Variants in LIPJ observed in about 807,000 individuals in gnomAD.
LIPJ encodes lipase member J.
Under a neutral mutation model 39.8 loss-of-function variants are expected in LIPJ, and 33 were observed. The observed-to-expected ratio is 0.83, with a 90% CI of 0.63 to 1.11. LIPJ has a LOEUF of 1.11. Ranked by LOEUF, LIPJ falls within the 50% of genes least tolerant of loss-of-function variation. The pLI, the probability that LIPJ is intolerant of heterozygous loss-of-function variation, is 0.00. For synonymous variants in LIPJ, 128 were observed against 139.2 expected (o/e 0.92, Z 0.57); for missense variants, 422 against 427.9 (o/e 0.99, Z 0.12).
intron 4 of LIPJ, chr10:88,593,293 A>G (rs1398941241): frequency 6.6e-6 from 1 of 151,836 alleles, no homozygotes; most frequent in African/African-American, 2.4e-5. Context: ...TGTAGAGGCT[A>G]AAATTGTGAG....
chr10:88,612,705 C>T, the LIPJ span, among the ~76,000 whole-genome samples: 1 of 152,036 alleles, frequency 6.6e-6, no homozygotes, highest in South Asian at 2.1e-4. Flanking sequence ...AATATATACG[C>T]ACCTTACACT....
At chr10:88,610,979 C>T (rs776299789), downstream of LIPJ, among the ~76,000 whole-genome samples, 9 of 152,128 alleles carry the variant, frequency 5.9e-5, no homozygotes, top group Non-Finnish European at 1.0e-4. Context: ...TTAGAAGAGA[C>T]GCAGAAAAAC....
intron 9 of LIPJ, among the ~76,000 whole-genome samples, chr10:88,605,368 G>C (rs1395784049): frequency 1.3e-5 from 2 of 152,114 alleles, no homozygotes; most frequent in Non-Finnish European, 1.5e-5. Flanking sequence ...TCCCAAAAGA[G>C]GCCCCCCTCT....
chr10:88,595,693 C>G (rs147101931), intron 6 of LIPJ, among the ~76,000 whole-genome samples: 2 of 151,282 alleles, frequency 1.3e-5, no homozygotes, highest in African/African-American at 4.8e-5. Flanking sequence ...CTTCTCAGAA[C>G]CTGACCTAAA....
chr10:88,617,016 T>C, the LIPJ span, among the ~76,000 whole-genome samples: 2 of 152,012 alleles, frequency 1.3e-5, no homozygotes, highest in African/African-American at 2.4e-5. Flanking sequence ...GCCCCACCAC[T>C]CTCTTCCCTT....
downstream of LIPJ, among the ~76,000 whole-genome samples, chr10:88,611,705 C>A (rs888759013): frequency 6.6e-5 from 10 of 152,114 alleles, no homozygotes; most frequent in Non-Finnish European, 1.3e-4. Context: ...TAACCCCATC[C>A]ATACAAGACA....
downstream of LIPJ, among the ~76,000 whole-genome samples, chr10:88,609,753 G>A (rs1851727872): frequency 6.6e-6 from 1 of 152,064 alleles, no homozygotes; most frequent in African/African-American, 2.4e-5. Flanking sequence ...ACAAAAATTA[G>A]CTGGGCGTGG....
At chr10:88,613,800 A>ATATATATATATATGTG in the LIPJ span, among the ~76,000 whole-genome samples, 121 of 74,120 alleles carry the variant, frequency 1.6e-3, 2 homozygotes, top group East Asian at 7.9e-3. Context: ...ATATATATAT[A>ATATATATATATATGTG]TGTGTGTGTG....
At chr10:88,589,805 T>A (rs561536965) in intron 2 of LIPJ, among the ~76,000 whole-genome samples, 5 of 151,974 alleles carry the variant, frequency 3.3e-5, no homozygotes, top group African/African-American at 1.2e-4. Context: ...GATTTAAGTT[T>A]TATAACAATC....
the LIPJ span, chr10:88,618,250 CT>C: frequency 2.0e-5 from 3 of 152,066 alleles, no homozygotes; most frequent in African/African-American, 7.2e-5. Context: ...GCCTATTGAT[CT>C]AGCCTTCCCT....
At chr10:88,604,815 T>C (rs950041846) in intron 9 of LIPJ, among the ~76,000 whole-genome samples, 4 of 152,018 alleles carry the variant, frequency 2.6e-5, no homozygotes, top group African/African-American at 7.2e-5. Flanking sequence ...ATAAACACTT[T>C]GAATATAAAT....
upstream of LIPJ, among the ~76,000 whole-genome samples, chr10:88,584,731 G>A (rs1850849247): frequency 1.3e-5 from 2 of 152,306 alleles, no homozygotes; most frequent in East Asian, 3.9e-4. Flanking sequence ...CTGAGTAGCT[G>A]GGACTACAGG....
At chr10:88,621,600 T>A in the LIPJ span, among the ~76,000 whole-genome samples, 1 of 152,188 alleles carries the variant, frequency 6.6e-6, no homozygotes, top group Non-Finnish European at 1.5e-5. Context: ...TTTACACAAT[T>A]GTACATTTGT....
At chr10:88,594,996 G>A (rs1851208500) in intron 6 of LIPJ, among the ~76,000 whole-genome samples, 1 of 151,738 alleles carries the variant, frequency 6.6e-6, no homozygotes, top group African/African-American at 2.4e-5. Flanking sequence ...AAGGTTGGTT[G>A]TGGTTTTGTT....
exon 11 of LIPJ, chr10:88,606,827 C>A: frequency 6.2e-7 from 1 of 1,610,998 alleles, no homozygotes. Context: ...TTACTACAAT[C>A]ATATAGACTC....
exon 11 of LIPJ, chr10:88,606,780 C>T: frequency 6.8e-6 from 11 of 1,613,220 alleles, no homozygotes; most frequent in Non-Finnish European, 9.3e-6. Context: ...ATTTTACATT[C>T]TGAAATCACA....
At chr10:88,583,759 TG>T (rs754064744), upstream of LIPJ, 330 of 963,066 alleles carry the variant, frequency 3.4e-4, 1 homozygote, top group Non-Finnish European at 3.9e-4. Flanking sequence ...GTAACCTTCC[TG>T]AACCTCAATT....
chr10:88,608,944 A>G (rs545653945), downstream of LIPJ, among the ~76,000 whole-genome samples: 182 of 152,318 alleles, frequency 1.2e-3, no homozygotes, highest in African/African-American at 4.0e-3. Flanking sequence ...ATCCTCTCCA[A>G]TTACACAGGG....
Position 88,602,658 on chromosome 10 carries a change from TA to T in LIPJ, c.795+14del. ...CTTCATTGGAGTCAGGTATAACTGC[TA>T]AAGTGCATTTCCATACAATTTAATT... On this transcript the variant is annotated intron_variant, in intron 9 of 10. Transcript: ENST00000371939. 1 of 1,519,048 alleles carries T rather than the reference TA, an allele frequency of 6.6e-7. No homozygotes were observed. The highest frequency in any genetic ancestry group is 9.0e-7 in the Non-Finnish European group (1 of 1,116,038). 94.1% of individuals were successfully genotyped at this position (1,519,048 alleles called of 1,614,324 possible).
Sources: gnomAD v4.1 joint callset for allele counts (sites outside exome capture counted in the v4.1 genomes callset) on GRCh38, gnomAD v4.1.1 for gene constraint, MANE v1.5 for transcripts, NCBI Gene and HGNC (gene_info 2026-07-23, HGNC 2026-07-21) for gene names.